The following SKAP2 variants were observed in gnomAD, a reference collection of about 807,000 sequenced individuals.
SKAP2 encodes the protein src kinase-associated phosphoprotein 2.
A neutral mutation model predicts 54.9 loss-of-function variants in SKAP2; 28 were observed. The observed-to-expected ratio is 0.51, with a 90% CI of 0.38 to 0.70. The LOEUF is 0.70. Among genes scored for constraint, SKAP2 ranks in the 30% least tolerant of loss-of-function variants. SKAP2 has a pLI of 0.00. For missense variants in SKAP2, 356 were observed against 424.1 expected, an observed-to-expected ratio of 0.84 and a Z score of 1.41; for synonymous variants, 137 against 134.3, an observed-to-expected ratio of 1.02 and a Z score of -0.14.
In SKAP2 at chr7:26,731,094, C is replaced by T. The variant is rs564736874; in HGVS notation, c.470-4088G>A. ...AGGAAAGTCTGGTTCTAAAGCCTTG[C>T]TTTTTCAGCCATTTCACACTGTTTT... On this transcript the variant is annotated intron_variant, in intron 6 of 12. Transcript: ENST00000345317. Among the ~76,000 whole-genome samples, 12 of 152,278 alleles carry T rather than the reference C, an allele frequency of 7.9e-5. No individual in the cohort carries two copies. The East Asian group carries it at 1.5e-3, about 20-fold the overall frequency.
At position 26,725,619 on chromosome 7, in the gene SKAP2, A is replaced by T. The variant is rs1584353617; in HGVS notation, c.659-54T>A. 19 of 1,445,644 alleles carry T rather than the reference A, an allele frequency of 1.3e-5. No individual in the cohort carries two copies. In the South Asian group the frequency reaches 2.5e-4, roughly 19 times the overall value. The allele number at this position is 1,445,644 out of a possible 1,614,324, so 89.6% of individuals were successfully genotyped here. Reference sequence around the variant, plus strand: ...TTAAAAGAATGCAGAAGATATTTTTAAAACTATACTTTATAAATAAATGCA... The same window carrying T: ...TTAAAAGAATGCAGAAGATATTTTTTAAACTATACTTTATAAATAAATGCA... On this transcript the variant is annotated intron_variant, in intron 8 of 12. Transcript: ENST00000345317.
At chr7:26,830,612 T>C (rs992411037) in intron 4 of SKAP2, among the ~76,000 whole-genome samples, 2 of 152,146 alleles carry the variant, frequency 1.3e-5, no homozygotes, top group African/African-American at 2.4e-5. Context: ...TATTCATATA[T>C]AACGAGCTCA....
intron 4 of SKAP2, among the ~76,000 whole-genome samples, chr7:26,832,132 T>C (rs934340340): frequency 2.6e-5 from 4 of 152,228 alleles, no homozygotes; most frequent in Non-Finnish European, 5.9e-5. Flanking sequence ...CTTCCTTCTT[T>C]AACCTCTTAG....
intron 9 of SKAP2, among the ~76,000 whole-genome samples, chr7:26,698,902 C>T (rs1453476303): frequency 6.6e-6 from 1 of 152,100 alleles, no homozygotes; most frequent in Non-Finnish European, 1.5e-5. Flanking sequence ...TGACAGCTCC[C>T]CACTATTTAA....
intron 4 of SKAP2, among the ~76,000 whole-genome samples, chr7:26,745,146 G>C (rs1484770705): frequency 2.6e-5 from 4 of 152,094 alleles, no homozygotes; most frequent in Non-Finnish European, 5.9e-5. Context: ...TGAACACCAA[G>C]CTTTCACATA....
intron 9 of SKAP2, among the ~76,000 whole-genome samples, chr7:26,701,102 G>A (rs928609537): frequency 4.6e-5 from 7 of 152,088 alleles, no homozygotes; most frequent in Non-Finnish European, 1.0e-4. Flanking sequence ...CTCCAGGTGT[G>A]GACTCCCCAG....
At chr7:26,774,968 T>C (rs1783271983) in intron 4 of SKAP2, among the ~76,000 whole-genome samples, 1 of 152,158 alleles carries the variant, frequency 6.6e-6, no homozygotes. Context: ...GAGTTGCTAA[T>C]TCTTATTCTA....
chr7:26,697,852 C>A (rs1204631973), intron 9 of SKAP2, among the ~76,000 whole-genome samples: 1 of 152,010 alleles, frequency 6.6e-6, no homozygotes, highest in Admixed American at 6.6e-5. Context: ...AATAAAATAC[C>A]CCAAATGCAT....
At chr7:26,764,539 A>C (rs1783003718) in intron 4 of SKAP2, among the ~76,000 whole-genome samples, 1 of 151,984 alleles carries the variant, frequency 6.6e-6, no homozygotes, top group Non-Finnish European at 1.5e-5. Flanking sequence ...TAAAAATTTT[A>C]CCTTTACTAT....
chr7:26,819,649 G>A lies in SKAP2; in HGVS notation c.307+24381C>T, dbSNP rs566812355. On this transcript the variant is annotated intron_variant, in intron 4 of 12. Coordinates refer to ENST00000345317, the MANE Select transcript of SKAP2 (RefSeq NM_003930.5). ...CAAAAACCACTTTAACACTAATCAC[G>A]TTCTGAAATGTTAATTTTTCAATGC... Among the ~76,000 whole-genome samples, 25 of 151,662 alleles carry A rather than the reference G, an allele frequency of 1.6e-4. 1 individual carries two copies. The South Asian group carries it at 4.0e-3, about 24-fold the overall frequency.
intron 4 of SKAP2, among the ~76,000 whole-genome samples, chr7:26,839,547 C>T (rs2127994577): frequency 6.6e-6 from 1 of 151,904 alleles, no homozygotes; most frequent in South Asian, 2.1e-4. Flanking sequence ...TTTTAGGTGT[C>T]AAAAATATGA....
At chr7:26,670,471 T>G (rs1786203890) in intron 11 of SKAP2, among the ~76,000 whole-genome samples, 1 of 152,016 alleles carries the variant, frequency 6.6e-6, no homozygotes, top group South Asian at 2.1e-4. Flanking sequence ...TCAGGAAGCC[T>G]TCTCTCGGGG....
chr7:26,773,659 C>A (rs986907169), intron 4 of SKAP2, among the ~76,000 whole-genome samples: 2 of 152,168 alleles, frequency 1.3e-5, no homozygotes, highest in African/African-American at 4.8e-5. Flanking sequence ...AGGCATGAGT[C>A]ATTATTCAAT....
intron 4 of SKAP2, among the ~76,000 whole-genome samples, chr7:26,820,353 T>C (rs1397774582): frequency 6.6e-6 from 1 of 152,204 alleles, no homozygotes; most frequent in Non-Finnish European, 1.5e-5. Flanking sequence ...ATTTTCTGAA[T>C]TTAATGTGAC....
rs1004787966 is a variant in SKAP2, at chr7:26,739,946, A to G, written c.326T>C (p.Ile109Thr). The G allele has an allele frequency of 6.8e-6, 11 of 1,610,686 alleles. No individual in the cohort carries two copies. The highest frequency in any genetic ancestry group is 9.3e-6 in the Non-Finnish European group (11 of 1,178,732). ...AACAAAAGGAAGGTCTTGTGCTGCA[A>G]TTGGAGGAAACTGGGCTCCTATGAG... The part of the protein sequence containing the change: ...APSDGAQFPP[I>T]AAQDLPFVLK... Residue 109 changes from isoleucine to threonine, a missense_variant, in exon 5 of 13, where the codon ATT (isoleucine) becomes ACT (threonine). Physicochemically the swap from Ile to Thr is moderately conservative, Grantham distance 89. Transcript: ENST00000345317.
At chr7:26,808,910 C>T (rs898229575) in intron 4 of SKAP2, among the ~76,000 whole-genome samples, 12 of 152,092 alleles carry the variant, frequency 7.9e-5, no homozygotes, top group African/African-American at 2.9e-4. Context: ...GATATGACCC[C>T]CAAAGCACAG....
chr7:26,733,638 G>A (rs1448004511), intron 6 of SKAP2, among the ~76,000 whole-genome samples: 2 of 152,094 alleles, frequency 1.3e-5, no homozygotes, highest in Non-Finnish European at 2.9e-5. Flanking sequence ...GTGAAGTTGT[G>A]GAGAAGGGGA....
intron 4 of SKAP2, among the ~76,000 whole-genome samples, chr7:26,791,037 C>A (rs1304619046): frequency 6.8e-6 from 1 of 146,082 alleles, no homozygotes. Flanking sequence ...GATTGTAAAA[C>A]TTGTTTTAAT....
At chr7:26,769,597 C>G (rs1251968823) in intron 4 of SKAP2, among the ~76,000 whole-genome samples, 1 of 114,074 alleles carries the variant, frequency 8.8e-6, no homozygotes, top group Non-Finnish European at 1.8e-5. Context: ...ATGGATTTAT[C>G]TACCTTTGGT....
Sources: allele counts gnomAD v4.1 joint callset (sites outside exome capture counted in the v4.1 genomes callset), GRCh38; gene constraint gnomAD v4.1.1; transcripts MANE v1.5; gene names NCBI Gene and HGNC (gene_info 2026-07-23, HGNC 2026-07-21).